Variants in PTPRD observed in about 807,000 individuals in gnomAD.
The protein encoded by PTPRD is protein tyrosine phosphatase receptor type D.
In PTPRD, 34 loss-of-function variants were observed where a neutral mutation model predicts 214.5. The observed-to-expected ratio is 0.16, with a 90% CI of 0.12 to 0.21. PTPRD has a LOEUF of 0.21. Ranked by LOEUF, PTPRD falls within the 10% of genes least tolerant of loss-of-function variation. The probability of loss-of-function intolerance (pLI) is 1.00; values close to 1 mark genes in which losing one functional copy is unlikely to be tolerated. For synonymous variants in PTPRD, 1,128 were observed against 845.7 expected (o/e 1.33, Z -5.79); for missense variants, 2,545 against 2,398.7 (o/e 1.06, Z -1.27).
At chr9:9,873,379 G>C (rs1308402851) in intron 5 of PTPRD, among the ~76,000 whole-genome samples, 1 of 151,564 alleles carries the variant, frequency 6.6e-6, no homozygotes, top group Admixed American at 6.6e-5. Context: ...AAAGCACAAA[G>C]CATGGTCAAT....
chr9:10,405,221 T>A (rs1024329876), intron 2 of PTPRD, among the ~76,000 whole-genome samples: 1 of 151,734 alleles, frequency 6.6e-6, no homozygotes, highest in Non-Finnish European at 1.5e-5. Context: ...GACCATTATC[T>A]TAATAGAGAG....
chr9:10,465,341 T>C (rs2098986433), intron 2 of PTPRD, among the ~76,000 whole-genome samples: 1 of 152,080 alleles, frequency 6.6e-6, no homozygotes, highest in African/African-American at 2.4e-5. Context: ...AAAAAGGAGG[T>C]GTTCATAACA....
chr9:8,475,275 G>A (rs550421152), intron 30 of PTPRD, among the ~76,000 whole-genome samples: 4 of 152,086 alleles, frequency 2.6e-5, no homozygotes, highest in Admixed American at 2.0e-4. Context: ...CCTCTTAGCA[G>A]ACCTTTTAAG....
chr9:10,408,129 C>T (rs895453870), intron 2 of PTPRD, among the ~76,000 whole-genome samples: 1 of 151,490 alleles, frequency 6.6e-6, no homozygotes, highest in African/African-American at 2.4e-5. Flanking sequence ...TGTGTTTCTT[C>T]TACCTTTCTT....
At chr9:9,473,284 C>T (rs1033525278) in intron 8 of PTPRD, among the ~76,000 whole-genome samples, 3 of 152,150 alleles carry the variant, frequency 2.0e-5, no homozygotes, top group Non-Finnish European at 4.4e-5. Flanking sequence ...CAGGTTTACG[C>T]ATGTTGTATT....
chr9:8,923,034 T>A (rs1178940687), intron 11 of PTPRD, among the ~76,000 whole-genome samples: 1 of 88,896 alleles, frequency 1.1e-5, no homozygotes, highest in Non-Finnish European at 2.2e-5. Context: ...TCTCTCTTTT[T>A]GTCTGTCTTT....
At chr9:8,741,686 G>T (rs536262313) in intron 11 of PTPRD, among the ~76,000 whole-genome samples, 70 of 141,274 alleles carry the variant, frequency 5.0e-4, no homozygotes, top group Non-Finnish European at 9.4e-4. Context: ...CACTTCCCAG[G>T]TTCAAGCGAT....
chr9:8,905,024 C>A (rs1405462202), intron 11 of PTPRD, among the ~76,000 whole-genome samples: 1 of 152,134 alleles, frequency 6.6e-6, no homozygotes, highest in Non-Finnish European at 1.5e-5. Context: ...AAGAAAAACA[C>A]TTCAAGATTT....
At chr9:9,440,348 T>C (rs531948233) in intron 8 of PTPRD, among the ~76,000 whole-genome samples, 96 of 152,358 alleles carry the variant, frequency 6.3e-4, no homozygotes, top group African/African-American at 2.3e-3. Flanking sequence ...TGTACTTGTT[T>C]TCTTCTTCAT....
At chr9:9,352,608 A>T (rs2138327059) in intron 9 of PTPRD, among the ~76,000 whole-genome samples, 1 of 152,000 alleles carries the variant, frequency 6.6e-6, no homozygotes, top group Non-Finnish European at 1.5e-5. Flanking sequence ...ATCTCAGTAG[A>T]TTCCTAACAC....
At chr9:9,770,762 A>C (rs2098745660) in intron 5 of PTPRD, among the ~76,000 whole-genome samples, 1 of 152,186 alleles carries the variant, frequency 6.6e-6, no homozygotes, top group African/African-American at 2.4e-5. Flanking sequence ...AGAAAAAAAT[A>C]ATTCCATAAA....
intron 2 of PTPRD, among the ~76,000 whole-genome samples, chr9:10,362,089 A>G (rs2097403611): frequency 6.6e-6 from 1 of 152,194 alleles, no homozygotes; most frequent in Non-Finnish European, 1.5e-5. Flanking sequence ...CAGCTTAACT[A>G]ATGAGATGCT....
At chr9:8,483,321 C>T (rs1275446361) in intron 30 of PTPRD, among the ~76,000 whole-genome samples, 2 of 152,146 alleles carry the variant, frequency 1.3e-5, no homozygotes, top group African/African-American at 4.8e-5. Flanking sequence ...ACATCAGTGT[C>T]ATATACCATT....
chr9:10,394,153 TATATAG>T (rs1246325337), intron 2 of PTPRD, among the ~76,000 whole-genome samples: 1 of 145,664 alleles, frequency 6.9e-6, no homozygotes, highest in African/African-American at 2.5e-5. Flanking sequence ...GATATCTATA[TATATAG>T]ATATATATAC....
chr9:9,598,928 T>A (rs1368516337), intron 7 of PTPRD, among the ~76,000 whole-genome samples: 1 of 152,022 alleles, frequency 6.6e-6, no homozygotes, highest in Non-Finnish European at 1.5e-5. Flanking sequence ...TCTGACATTT[T>A]AGCTCATCAT....
At chr9:10,037,623 A>T (rs1252981886) in intron 3 of PTPRD, among the ~76,000 whole-genome samples, 3 of 151,342 alleles carry the variant, frequency 2.0e-5, no homozygotes, top group African/African-American at 7.3e-5. Context: ...AAACTGACAC[A>T]TTCACTTTAC....
At position 8,558,175 on chromosome 9, in the gene PTPRD, C is replaced by T. The variant is rs376082072; in HGVS notation, c.353-29396G>A. 4.6e-5 allele frequency among the ~76,000 whole-genome samples: 7 copies of T among 152,306 alleles called. No individual in the cohort carries two copies. In the East Asian group the frequency reaches 1.3e-3, roughly 29 times the overall value. On this transcript the variant is annotated intron_variant, in intron 14 of 45. Transcript: ENST00000381196. ...CCTACCTAGGTTTGACTGTTTTAAA[C>T]TTTAAATGAATACTCAAGGATTTCC...
chr9:8,468,793 T>C (rs972089763), intron 31 of PTPRD, among the ~76,000 whole-genome samples: 47 of 93,892 alleles, frequency 5.0e-4, no homozygotes, highest in Admixed American at 3.9e-4. Context: ...TTATTATCCA[T>C]GGTAGAAAAA....
At chr9:9,423,978 C>T (rs1721100955) in intron 8 of PTPRD, among the ~76,000 whole-genome samples, 1 of 152,188 alleles carries the variant, frequency 6.6e-6, no homozygotes, top group Non-Finnish European at 1.5e-5. Context: ...GTCATTCTCC[C>T]AAGTGCTGGA....
Sources: allele counts gnomAD v4.1 joint callset (sites outside exome capture counted in the v4.1 genomes callset), GRCh38; gene constraint gnomAD v4.1.1; transcripts MANE v1.5; gene names NCBI Gene and HGNC (gene_info 2026-07-23, HGNC 2026-07-21).